The following ANKRD30B variants were observed in gnomAD, a reference collection of about 807,000 sequenced individuals.
ANKRD30B encodes the protein ankyrin repeat domain 30B.
Under a neutral mutation model 202.2 loss-of-function variants are expected in ANKRD30B, and 144 were observed. The ratio of observed to expected loss-of-function variants is 0.71; its 90% CI spans 0.62 to 0.82. The LOEUF (loss-of-function observed/expected upper bound fraction) is 0.82. Among genes scored for constraint, ANKRD30B ranks in the 40% least tolerant of loss-of-function variants. The pLI is 0.00. For synonymous variants in ANKRD30B, 508 were observed against 561.3 expected, an observed-to-expected ratio of 0.91 and a Z score of 1.34; for missense variants, 1,487 against 1,669.1, an observed-to-expected ratio of 0.89 and a Z score of 1.90.
intron 7 of ANKRD30B, among the ~76,000 whole-genome samples, chr18:14,767,618 A>G (rs1409793617): frequency 3.9e-5 from 6 of 152,178 alleles, no homozygotes; most frequent in African/African-American, 1.4e-4. Flanking sequence ...CTATCTGACT[A>G]CATATCAGAA....
At chr18:14,763,507 G>A (rs1381881572) in intron 6 of ANKRD30B, among the ~76,000 whole-genome samples, 179 bp from the exon 7 acceptor site, 3 of 152,042 alleles carry the variant, frequency 2.0e-5, no homozygotes, top group Admixed American at 6.6e-5. Context: ...CTGAGATCAT[G>A]CCACTGCACT....
intron 30 of ANKRD30B, among the ~76,000 whole-genome samples, chr18:14,819,035 C>A (rs1053000731): frequency 2.0e-5 from 3 of 152,166 alleles, no homozygotes. Context: ...GGTTTTCTGA[C>A]TTTTTAATGA....
At chr18:14,821,252 CT>C (rs1425523259) in intron 30 of ANKRD30B, among the ~76,000 whole-genome samples, 2 of 151,968 alleles carry the variant, frequency 1.3e-5, no homozygotes, top group African/African-American at 4.8e-5. Flanking sequence ...ATTCTTCTCC[CT>C]TTTTTTCTTT....
chr18:14,775,411 G>T (rs1967295603), intron 9 of ANKRD30B, among the ~76,000 whole-genome samples: 2 of 152,160 alleles, frequency 1.3e-5, no homozygotes, highest in African/African-American at 4.8e-5. Flanking sequence ...GCTCTAATTG[G>T]ATTCAGGGAG....
intron 34 of ANKRD30B, among the ~76,000 whole-genome samples, chr18:14,834,597 A>G (rs1478658299): frequency 6.6e-6 from 1 of 152,026 alleles, no homozygotes; most frequent in Non-Finnish European, 1.5e-5. Context: ...GCTGATTTTA[A>G]TAAAAAGCTG....
intron 1 of ANKRD30B, 147 bp downstream of exon 1, chr18:14,748,787 G>A: frequency 1.1e-6 from 1 of 915,210 alleles, no homozygotes; most frequent in Non-Finnish European, 1.6e-6. Context: ...TGGGCCCCGA[G>A]GTCTTGGCCT....
At chr18:14,769,571 G>T (rs1186573516) in intron 8 of ANKRD30B, among the ~76,000 whole-genome samples, 198 bp downstream of exon 8, 1 of 152,146 alleles carries the variant, frequency 6.6e-6, no homozygotes, top group Non-Finnish European at 1.5e-5. Context: ...AGGCAAATGT[G>T]GTTCAGAGAG....
At chr18:14,865,528 A>G in the ANKRD30B span, among the ~76,000 whole-genome samples, 1 of 142,450 alleles carries the variant, frequency 7.0e-6, no homozygotes, top group African/African-American at 2.6e-5. Context: ...CCTTCCATCT[A>G]CCCAAAAACT....
chr18:14,860,396 C>A, the ANKRD30B span, among the ~76,000 whole-genome samples: 4 of 121,396 alleles, frequency 3.3e-5, no homozygotes, highest in East Asian at 2.5e-4. Flanking sequence ...GGTGGCCGGG[C>A]AGAGGCGCTC....
At chr18:14,778,265 G>A (rs1967507390) in intron 10 of ANKRD30B, among the ~76,000 whole-genome samples, 190 bp downstream of exon 10, 2 of 152,122 alleles carry the variant, frequency 1.3e-5, no homozygotes, top group African/African-American at 2.4e-5. Context: ...AAAAAGAGCT[G>A]AATTATTAGT....
In ANKRD30B at chr18:14,763,805, T is replaced by C. The variant is rs1401460652; in HGVS notation, c.940T>C (p.Ser314Pro). 2 of 1,613,694 alleles carry C rather than the reference T, an allele frequency of 1.2e-6. No homozygotes were observed. Among genetic ancestry groups the C allele is most frequent in the Non-Finnish European group, 1.7e-6 (2 of 1,179,924 alleles). The change falls in exon 7 of 44, where the codon TCT becomes CCT. Residue 314 changes from serine to proline, a missense_variant. Ser to Pro is a moderately conservative substitution (Grantham distance 74). This residue lies in a region of ANKRD30B where 889 missense variants were observed against 841.4 expected (regional missense o/e 1.06). Transcript: ENST00000690538. The part of the protein sequence containing the change: ...DEAARLVEGT[S>P]AKIQCLGKAT... ...GGCTGCACGCTTGGTGGAGGGAACG[T>C]CTGCCAAAATTCAATGTCTGGGGAA...
chr18:14,769,644 C>T (rs1357083298), intron 8 of ANKRD30B, among the ~76,000 whole-genome samples: 1 of 152,184 alleles, frequency 6.6e-6, no homozygotes, highest in Non-Finnish European at 1.5e-5. Context: ...TGCCATCTGC[C>T]TACTTTGGTC....
Position 14,799,089 on chromosome 18 carries a change from C to T in ANKRD30B, c.2030-12C>T, listed in dbSNP as rs1479781504. ...TGCATATAATCAATTATATATGTCCCTTTTCTTTTAGAGTCTCCTGATAAT... is the reference window on the plus strand; with the variant it reads ...TGCATATAATCAATTATATATGTCCTTTTTCTTTTAGAGTCTCCTGATAAT... On this transcript the variant is annotated splice_polypyrimidine_tract_variant and intron_variant, in intron 20 of 43. Coordinates refer to ENST00000690538, the MANE Select transcript of ANKRD30B (RefSeq NM_001367607.2). 1 of 1,569,272 alleles carries T rather than the reference C, an allele frequency of 6.4e-7. No individual in the cohort carries two copies. Among genetic ancestry groups the T allele is most frequent in the South Asian group, 1.1e-5 (1 of 90,080 alleles).
chr18:14,764,634 C>T (rs552489583), intron 7 of ANKRD30B, among the ~76,000 whole-genome samples: 92 of 152,206 alleles, frequency 6.0e-4, no homozygotes, highest in Non-Finnish European at 9.6e-4. Context: ...GTGATAGCCC[C>T]GCCTTGGCCT....
At chr18:14,872,915 C>T in the ANKRD30B span, among the ~76,000 whole-genome samples, 2 of 152,158 alleles carry the variant, frequency 1.3e-5, no homozygotes, top group Admixed American at 1.3e-4. Context: ...AGCCTTGCCC[C>T]TAGAATGGAG....
chr18:14,815,162 C>T (rs1158135777), intron 30 of ANKRD30B, among the ~76,000 whole-genome samples: 1 of 71,358 alleles, frequency 1.4e-5, no homozygotes, highest in Admixed American at 1.7e-4. Flanking sequence ...CAGAGAATTA[C>T]AGCAAAAATA....
At chr18:14,914,506 C>T in the ANKRD30B span, among the ~76,000 whole-genome samples, 2 of 152,168 alleles carry the variant, frequency 1.3e-5, no homozygotes, top group African/African-American at 4.8e-5. Flanking sequence ...GAAAGATTGT[C>T]TGTTAGACCA....
At chr18:14,892,694 G>A in the ANKRD30B span, among the ~76,000 whole-genome samples, 1 of 140,174 alleles carries the variant, frequency 7.1e-6, no homozygotes, top group Non-Finnish European at 1.5e-5. Flanking sequence ...GAGCCAAAAC[G>A]GTGCCACTGC....
Position 14,785,875 on chromosome 18 carries a change from A to G in ANKRD30B, c.1673-1164A>G, listed in dbSNP as rs183740052. ...AACAAGGTGAAACCCCGTCTCTACTAAAAATACAAAAAATTAGCCGGGTGC... is the reference window on the plus strand; with the variant it reads ...AACAAGGTGAAACCCCGTCTCTACTGAAAATACAAAAAATTAGCCGGGTGC... On this transcript the variant is annotated intron_variant, in intron 14 of 43. Coordinates refer to ENST00000690538, the MANE Select transcript of ANKRD30B (RefSeq NM_001367607.2). Among the ~76,000 whole-genome samples the G allele has an allele frequency of 1.3e-3, 196 of 152,090 alleles. 6 individuals carry two copies. In the East Asian group the frequency reaches 0.035, roughly 27 times the overall value.
Sources: allele counts gnomAD v4.1 joint callset (sites outside exome capture counted in the v4.1 genomes callset), GRCh38; gene constraint gnomAD v4.1.1; regional missense constraint gnomAD v4.1.1; transcripts MANE v1.5; gene names NCBI Gene and HGNC (gene_info 2026-07-23, HGNC 2026-07-21).